The following VEGFC variants were observed in gnomAD, a reference collection of about 807,000 sequenced individuals.
The protein encoded by VEGFC is FLT4 ligand DHM.
Under a neutral mutation model 46.1 loss-of-function variants are expected in VEGFC, and 12 were observed. The observed-to-expected ratio is 0.26, with a 90% CI of 0.17 to 0.42. The LOEUF (loss-of-function observed/expected upper bound fraction) is 0.42. VEGFC is among the 10% of genes least tolerant of loss of function. The probability of loss-of-function intolerance (pLI) is 1.00; values close to 1 mark genes in which losing one functional copy is unlikely to be tolerated. For synonymous variants in VEGFC, 232 were observed against 195.5 expected, an observed-to-expected ratio of 1.19 and a Z score of -1.56; for missense variants, 488 against 529.4, an observed-to-expected ratio of 0.92 and a Z score of 0.77.
chr4:176,713,034 A>G (rs1014761136), intron 3 of VEGFC, among the ~76,000 whole-genome samples: 1 of 152,202 alleles, frequency 6.6e-6, no homozygotes, highest in African/African-American at 2.4e-5. Flanking sequence ...TAAACTAAGG[A>G]TAACACTTGA....
At chr4:176,750,306 G>A (rs975967346) in intron 1 of VEGFC, among the ~76,000 whole-genome samples, 4 of 151,642 alleles carry the variant, frequency 2.6e-5, no homozygotes, top group Admixed American at 2.6e-4. Context: ...TCACATATTA[G>A]TGATAATCAA....
intron 1 of VEGFC, among the ~76,000 whole-genome samples, chr4:176,770,378 A>G (rs1227397028): frequency 1.3e-5 from 2 of 152,198 alleles, no homozygotes; most frequent in Non-Finnish European, 2.9e-5. Context: ...CTCATTTCCA[A>G]TGCAAAAGGG....
At chr4:176,786,054 C>T (rs1735997833) in intron 1 of VEGFC, among the ~76,000 whole-genome samples, 1 of 152,066 alleles carries the variant, frequency 6.6e-6, no homozygotes, top group South Asian at 2.1e-4. Flanking sequence ...TATGGGTGGC[C>T]ACTGTAATGA....
chr4:176,787,005 T>C (rs1736013696), intron 1 of VEGFC, among the ~76,000 whole-genome samples: 1 of 152,050 alleles, frequency 6.6e-6, no homozygotes. Context: ...GACATATTAA[T>C]ACTCACACCC....
chr4:176,734,716 A>G lies in VEGFC; in HGVS notation c.148-4970T>C, dbSNP rs183501132. 3.3e-3 allele frequency among the ~76,000 whole-genome samples: 497 copies of G among 151,982 alleles called. 5 individuals carry two copies. The highest frequency in any genetic ancestry group is 7.7e-3 in the Admixed American group (117 of 15,210). On this transcript the variant is annotated intron_variant, in intron 1 of 6. Coordinates refer to ENST00000618562, the MANE Select transcript of VEGFC (RefSeq NM_005429.5). ...AATTTACATTTCTTTAGGAAACCTA[A>G]AGGAATGTAAAAGTATTTGAAAAGA...
intron 2 of VEGFC, among the ~76,000 whole-genome samples, chr4:176,728,632 A>C (rs1352393128): frequency 6.6e-6 from 1 of 152,120 alleles, no homozygotes; most frequent in Non-Finnish European, 1.5e-5. Context: ...TACCTATAAT[A>C]CTGTTGACTT....
chr4:176,689,199 C>G (rs1734102871), intron 4 of VEGFC: 1 of 152,016 alleles, frequency 6.6e-6, no homozygotes, highest in Non-Finnish European at 1.5e-5. Flanking sequence ...AGTTACATTC[C>G]AAATTGATAG....
intron 1 of VEGFC, among the ~76,000 whole-genome samples, chr4:176,768,347 G>C (rs1274104840): frequency 1.3e-5 from 2 of 151,832 alleles, no homozygotes; most frequent in East Asian, 3.9e-4. Flanking sequence ...TGAACACTTC[G>C]ACATTAAAAG....
intron 1 of VEGFC, among the ~76,000 whole-genome samples, chr4:176,777,414 A>G (rs1735832723): frequency 6.6e-6 from 1 of 152,232 alleles, no homozygotes; most frequent in Non-Finnish European, 1.5e-5. Flanking sequence ...ATATTCATAT[A>G]CCATAACAAA....
chr4:176,749,848 A>G (rs964567762), intron 1 of VEGFC, among the ~76,000 whole-genome samples: 2 of 151,756 alleles, frequency 1.3e-5, no homozygotes, highest in Non-Finnish European at 3.0e-5. Flanking sequence ...AGCAGAAGCA[A>G]AAATAAACTC....
intron 2 of VEGFC, 109 bp downstream of exon 2, chr4:176,729,424 C>T (rs1478022914): frequency 2.3e-6 from 2 of 858,960 alleles, no homozygotes; most frequent in East Asian, 5.5e-5. Context: ...TTGCTTTCCG[C>T]CCTAAAGGTG....
intron 1 of VEGFC, among the ~76,000 whole-genome samples, chr4:176,769,813 G>A (rs1735691967): frequency 6.6e-6 from 1 of 152,108 alleles, no homozygotes; most frequent in Non-Finnish European, 1.5e-5. Context: ...CAGCTCCTGA[G>A]GCCCATCACT....
intron 1 of VEGFC, among the ~76,000 whole-genome samples, chr4:176,791,842 C>T (rs1736098842): frequency 6.6e-6 from 1 of 152,114 alleles, no homozygotes; most frequent in African/African-American, 2.4e-5. Context: ...TGAACTCATA[C>T]TCTCCAGAGC....
chr4:176,696,201 T>C (rs1734310678), intron 4 of VEGFC, among the ~76,000 whole-genome samples: 2 of 145,380 alleles, frequency 1.4e-5, no homozygotes, highest in Non-Finnish European at 3.0e-5. Context: ...ATTGTCCCTG[T>C]TTGCAGACAA....
At chr4:176,785,428 C>T (rs1735986619) in intron 1 of VEGFC, among the ~76,000 whole-genome samples, 1 of 152,108 alleles carries the variant, frequency 6.6e-6, no homozygotes, top group Non-Finnish European at 1.5e-5. Context: ...TCAGTATGTC[C>T]TTTCTCTAGT....
intron 1 of VEGFC, among the ~76,000 whole-genome samples, chr4:176,767,990 A>G (rs1024032395): frequency 6.6e-6 from 1 of 152,140 alleles, no homozygotes; most frequent in African/African-American, 2.4e-5. Flanking sequence ...ATGAGTCTGA[A>G]TGTAGGGTAG....
At chr4:176,779,771 G>A (rs867467988) in intron 1 of VEGFC, among the ~76,000 whole-genome samples, 10 of 151,930 alleles carry the variant, frequency 6.6e-5, no homozygotes, top group Admixed American at 1.3e-4. Context: ...GCTCCCTATC[G>A]ATTTAATTAA....
intron 1 of VEGFC, among the ~76,000 whole-genome samples, chr4:176,768,346 C>T (rs920124940): frequency 2.6e-5 from 4 of 151,530 alleles, no homozygotes; most frequent in Admixed American, 1.3e-4. Flanking sequence ...CTGAACACTT[C>T]GACATTAAAA....
intron 4 of VEGFC, among the ~76,000 whole-genome samples, chr4:176,704,088 C>A (rs1424384899): frequency 1.3e-5 from 2 of 152,116 alleles, no homozygotes; most frequent in African/African-American, 2.4e-5. Flanking sequence ...TTTGGCACCT[C>A]TTACCACTTC....
Sources: allele counts gnomAD v4.1 joint callset (sites outside exome capture counted in the v4.1 genomes callset), GRCh38; gene constraint gnomAD v4.1.1; transcripts MANE v1.5; gene names NCBI Gene and HGNC (gene_info 2026-07-23, HGNC 2026-07-21).